ANKIB1: variants seen among roughly 807,000 people sequenced by gnomAD.
The protein encoded by ANKIB1 is ankyrin repeat and IBR domain containing 1.
In ANKIB1, 43 loss-of-function variants were observed where a neutral mutation model predicts 122.1. The observed-to-expected ratio is 0.35, with a 90% CI of 0.28 to 0.45. The LOEUF (loss-of-function observed/expected upper bound fraction) is 0.45. Among genes scored for constraint, ANKIB1 ranks in the 20% least tolerant of loss-of-function variants. The probability of loss-of-function intolerance (pLI) is 1.00; values close to 1 mark genes in which losing one functional copy is unlikely to be tolerated. For missense variants in ANKIB1, 992 were observed against 1,329.5 expected (o/e 0.75, Z 3.95); for synonymous variants, 390 against 442.0 (o/e 0.88, Z 1.48).
chr7:92,283,506 C>T (rs1295884775), intron 1 of ANKIB1, among the ~76,000 whole-genome samples: 9 of 152,124 alleles, frequency 5.9e-5, no homozygotes, highest in Admixed American at 1.3e-4. Flanking sequence ...TGCTCCCTGC[C>T]AAAGGTGTGT....
intron 5 of ANKIB1, among the ~76,000 whole-genome samples, chr7:92,336,584 T>A (rs1181533175): frequency 2.0e-5 from 3 of 152,132 alleles, no homozygotes; most frequent in Non-Finnish European, 4.4e-5. Context: ...AGGCTTCAGT[T>A]TGAGATTTGG....
chr7:92,382,723 G>A (rs1399602589), intron 11 of ANKIB1, among the ~76,000 whole-genome samples: 1 of 152,164 alleles, frequency 6.6e-6, no homozygotes, highest in African/African-American at 2.4e-5. Flanking sequence ...CAGAATCTCT[G>A]GGACACATTT....
intron 7 of ANKIB1, among the ~76,000 whole-genome samples, chr7:92,346,207 A>G (rs531120088): frequency 6.2e-4 from 93 of 148,918 alleles, no homozygotes; most frequent in African/African-American, 2.2e-3. Flanking sequence ...GGCTCACTGC[A>G]ACGTCTTCCT....
At chr7:92,305,387 C>T (rs117939028) in intron 2 of ANKIB1, among the ~76,000 whole-genome samples, 2,561 of 152,228 alleles carry the variant, frequency 0.017, 26 homozygotes, top group Admixed American at 0.032. Flanking sequence ...GTTTAATATG[C>T]ATCCAATTCA....
At chr7:92,271,545 G>A (rs1015274644) in intron 1 of ANKIB1, among the ~76,000 whole-genome samples, 1 of 152,152 alleles carries the variant, frequency 6.6e-6, no homozygotes, top group Admixed American at 6.6e-5. Flanking sequence ...AGTTTGGGGA[G>A]AATTGACACC....
At chr7:92,379,054 G>A (rs1371524067) in intron 11 of ANKIB1, among the ~76,000 whole-genome samples, 1 of 152,188 alleles carries the variant, frequency 6.6e-6, no homozygotes, top group Admixed American at 6.5e-5. Flanking sequence ...TTCTTAGAAA[G>A]ATTCCATCAG....
At chr7:92,380,723 G>A (rs954215223) in intron 11 of ANKIB1, among the ~76,000 whole-genome samples, 3 of 152,144 alleles carry the variant, frequency 2.0e-5, no homozygotes, top group Non-Finnish European at 4.4e-5. Context: ...AACAAAAAAG[G>A]ACATCCACAC....
intron 17 of ANKIB1, among the ~76,000 whole-genome samples, chr7:92,395,328 T>A (rs1804863851): frequency 1.3e-5 from 2 of 152,306 alleles, no homozygotes; most frequent in South Asian, 4.1e-4. Context: ...TAGCACCACA[T>A]ATTGGCTTAT....
intron 5 of ANKIB1, among the ~76,000 whole-genome samples, chr7:92,342,754 T>G (rs1432053975): frequency 2.6e-5 from 4 of 152,206 alleles, no homozygotes; most frequent in African/African-American, 9.7e-5. Flanking sequence ...GTGACCTGTT[T>G]TGATTGTTAG....
chr7:92,359,735 T>C (rs1196220911), intron 9 of ANKIB1, among the ~76,000 whole-genome samples: 1 of 152,188 alleles, frequency 6.6e-6, no homozygotes, highest in African/African-American at 2.4e-5. Context: ...GCATCTGTTG[T>C]TTCCTGACTT....
chr7:92,246,302 C>G lies in ANKIB1; in HGVS notation c.-308C>G. On this transcript the variant is annotated 5_prime_UTR_variant, in exon 1 of 20. Coordinates refer to ENST00000265742, the MANE Select transcript of ANKIB1 (RefSeq NM_019004.2). ...CCTCGCCGCGGGCGCCTTCGGCTCA[C>G]GCAGCGCTTCCCGCGGGCCGCCAGT... The G allele has an allele frequency of 2.4e-6, 1 of 411,040 alleles. No individual in the cohort carries two copies. The highest frequency in any genetic ancestry group is 4.8e-6 in the Non-Finnish European group (1 of 209,808). 25.5% of individuals were successfully genotyped at this position (411,040 alleles called of 1,614,324 possible).
At chr7:92,309,447 A>T (rs1309130217) in intron 3 of ANKIB1, among the ~76,000 whole-genome samples, 1 of 152,154 alleles carries the variant, frequency 6.6e-6, no homozygotes, top group Non-Finnish European at 1.5e-5. Context: ...TTTGGAGGGT[A>T]GGGGACTAAT....
At chr7:92,256,490 C>T (rs1801448470) in intron 1 of ANKIB1, among the ~76,000 whole-genome samples, 1 of 152,058 alleles carries the variant, frequency 6.6e-6, no homozygotes, top group Non-Finnish European at 1.5e-5. Flanking sequence ...TGGGGGAATG[C>T]AGAGGTATGT....
intron 5 of ANKIB1, among the ~76,000 whole-genome samples, chr7:92,333,279 A>G (rs1803213261): frequency 6.6e-6 from 1 of 152,124 alleles, no homozygotes; most frequent in Non-Finnish European, 1.5e-5. Flanking sequence ...AAAATCCTGC[A>G]TGACTGAGCC....
intron 1 of ANKIB1, among the ~76,000 whole-genome samples, chr7:92,281,057 G>T (rs1026203001): frequency 6.6e-6 from 1 of 152,210 alleles, no homozygotes; most frequent in Non-Finnish European, 1.5e-5. Flanking sequence ...TCAGCAAAGG[G>T]AAAGGGTTCA....
Position 92,354,792 on chromosome 7 carries a change from T to A in ANKIB1, c.1397+2150T>A, listed in dbSNP as rs182533450. Among the ~76,000 whole-genome samples the A allele has an allele frequency of 2.9e-3, 440 of 152,302 alleles. 4 individuals are homozygous for A. The highest frequency in any genetic ancestry group is 0.01 in the African/African-American group (418 of 41,570). ...TCATATGCTTTCTGTTGCTCTTATC[T>A]CTTATTTCAATGAGAAGCAAAATCT... On this transcript the variant is annotated intron_variant, in intron 9 of 19. Coordinates refer to ENST00000265742, the MANE Select transcript of ANKIB1 (RefSeq NM_019004.2).
intron 9 of ANKIB1, among the ~76,000 whole-genome samples, chr7:92,354,708 A>G (rs912170850): frequency 2.0e-5 from 3 of 152,002 alleles, no homozygotes; most frequent in Admixed American, 6.6e-5. Flanking sequence ...TTAGCTTTAT[A>G]CCCTTATTCA....
intron 18 of ANKIB1, 122 bp from the exon 19 acceptor site, chr7:92,397,601 C>T: frequency 9.8e-7 from 1 of 1,023,986 alleles, no homozygotes; most frequent in South Asian, 1.5e-5. Flanking sequence ...GTGAACATGT[C>T]AACACAGGTT....
chr7:92,310,176 G>C (rs141150618), intron 3 of ANKIB1, among the ~76,000 whole-genome samples: 2 of 151,664 alleles, frequency 1.3e-5, no homozygotes, highest in African/African-American at 4.8e-5. Context: ...TGCTTGATAC[G>C]TATGTGTGAG....
Sources: allele counts gnomAD v4.1 joint callset (sites outside exome capture counted in the v4.1 genomes callset), GRCh38; gene constraint gnomAD v4.1.1; transcripts MANE v1.5; gene names NCBI Gene and HGNC (gene_info 2026-07-23, HGNC 2026-07-21).